Variants in PLXDC2 observed in about 807,000 individuals in gnomAD.
PLXDC2 encodes the protein plexin domain containing 2.
PLXDC2 carries 40 observed loss-of-function variants against 68.9 expected under a neutral mutation model. That is an observed-to-expected ratio of 0.58 (90% confidence interval 0.45 to 0.76). PLXDC2 has a LOEUF of 0.76. PLXDC2 is among the 30% of genes least tolerant of loss of function. PLXDC2 has a pLI of 0.00. For synonymous variants in PLXDC2, 243 were observed against 234.2 expected (o/e 1.04, Z -0.34); for missense variants, 644 against 661.9 (o/e 0.97, Z 0.30).
chr10:20,113,067 C>G (rs371388937), intron 4 of PLXDC2, among the ~76,000 whole-genome samples: 13 of 152,322 alleles, frequency 8.5e-5, no homozygotes, highest in African/African-American at 2.6e-4. Flanking sequence ...TCCCTCCCAT[C>G]TGTAGGCTTT....
rs11011640 is a variant in PLXDC2 at position 19,832,727 on chromosome 10, A to G, written c.112+15536A>G. Among the ~76,000 whole-genome samples, 304 of 152,346 alleles carry G rather than the reference A, an allele frequency of 2.0e-3. 1 individual carries two copies. The highest frequency in any genetic ancestry group is 3.1e-3 in the South Asian group (15 of 4,826). On this transcript the variant is annotated intron_variant, in intron 1 of 13. Transcript: ENST00000377252. ...AAGAGGCTATGTGCATGTGTATAACATGGATACAGTGCGAGGGACAAACCA... is the reference window on the plus strand; with the variant it reads ...AAGAGGCTATGTGCATGTGTATAACGTGGATACAGTGCGAGGGACAAACCA...
At chr10:19,938,113 A>G (rs1833759919) in intron 1 of PLXDC2, among the ~76,000 whole-genome samples, 1 of 152,124 alleles carries the variant, frequency 6.6e-6, no homozygotes, top group African/African-American at 2.4e-5. Context: ...ACAAGATTGT[A>G]TACATTACAT....
At chr10:20,191,797 A>G (rs972177409) in intron 9 of PLXDC2, among the ~76,000 whole-genome samples, 2 of 152,124 alleles carry the variant, frequency 1.3e-5, no homozygotes, top group African/African-American at 4.8e-5. Context: ...CCTAAAACTT[A>G]AAGTATAATA....
chr10:20,091,251 C>A (rs1239218565), intron 4 of PLXDC2, among the ~76,000 whole-genome samples: 6 of 152,158 alleles, frequency 3.9e-5, no homozygotes, highest in African/African-American at 1.2e-4. Context: ...CACCAGCATA[C>A]CTTTCCCCCT....
At chr10:19,844,078 A>G (rs112986287) in intron 1 of PLXDC2, among the ~76,000 whole-genome samples, 3,926 of 152,314 alleles carry the variant, frequency 0.026, 55 homozygotes, top group African/African-American at 0.046. Context: ...ATAAATAAAA[A>G]TGGAAAAAAA....
At chr10:19,949,681 A>G (rs1453901187) in intron 1 of PLXDC2, among the ~76,000 whole-genome samples, 1 of 152,222 alleles carries the variant, frequency 6.6e-6, no homozygotes, top group Admixed American at 6.5e-5. Flanking sequence ...TCTTGATATT[A>G]GAGACTTCTG....
chr10:20,177,419 T>G lies in PLXDC2; in HGVS notation c.1061+10T>G. The G allele has an allele frequency of 7.4e-7, 1 of 1,347,990 alleles. No homozygotes were observed. The highest frequency in any genetic ancestry group is 1.0e-6 in the Non-Finnish European group (1 of 989,908). The allele number at this position is 1,347,990 out of a possible 1,614,324, so 83.5% of individuals were successfully genotyped here. ...GTAGTAAACTTCAAAGGTAAAAATA[T>G]AATAATAAGAATAATAATAAAATTT... On this transcript the variant is annotated intron_variant, in intron 9 of 13. Coordinates refer to ENST00000377252, the MANE Select transcript of PLXDC2 (RefSeq NM_032812.9).
chr10:20,111,092 T>C (rs1833554798), intron 4 of PLXDC2, among the ~76,000 whole-genome samples: 1 of 152,182 alleles, frequency 6.6e-6, no homozygotes, highest in Admixed American at 6.5e-5. Context: ...TGGAGAACCA[T>C]GGTGGGCTGC....
At chr10:19,945,845 C>T (rs1833892421) in intron 1 of PLXDC2, among the ~76,000 whole-genome samples, 1 of 152,160 alleles carries the variant, frequency 6.6e-6, no homozygotes, top group Non-Finnish European at 1.5e-5. Context: ...TCACTCCAAT[C>T]AGATATGAAG....
intron 4 of PLXDC2, among the ~76,000 whole-genome samples, chr10:20,109,223 T>C (rs1452620161): frequency 6.6e-6 from 1 of 152,228 alleles, no homozygotes; most frequent in Admixed American, 6.5e-5. Context: ...AGATGAGTTT[T>C]CACCCTCTTG....
At chr10:20,026,291 A>G (rs1318100734) in intron 2 of PLXDC2, among the ~76,000 whole-genome samples, 1 of 152,000 alleles carries the variant, frequency 6.6e-6, no homozygotes, top group African/African-American at 2.4e-5. Flanking sequence ...AAATGTTTTT[A>G]ATGTCCTAAT....
At chr10:19,993,303 A>C (rs1219684269) in intron 1 of PLXDC2, among the ~76,000 whole-genome samples, 1 of 138,550 alleles carries the variant, frequency 7.2e-6, no homozygotes, top group Admixed American at 7.2e-5. Flanking sequence ...TTTCCATAGG[A>C]TAGTATATCA....
rs144837747 is a variant in PLXDC2 at position 20,123,468 on chromosome 10, T to C, written c.542-19827T>C. Among the ~76,000 whole-genome samples, 535 of 152,248 alleles carry C rather than the reference T, an allele frequency of 3.5e-3. 2 individuals are homozygous for C. Among genetic ancestry groups the C allele is most frequent in the African/African-American group, 0.012 (507 of 41,566 alleles). On this transcript the variant is annotated intron_variant, in intron 4 of 13. Transcript: ENST00000377252. ...TCTTGTAAGATGGAAAAATCGAAAG[T>C]GCCGTTTTCTGGCTATTTGGAACTA...
In PLXDC2 at chr10:20,249,074, C is replaced by T. The variant is rs577787570; in HGVS notation, c.1473+3569C>T. ...CATAATTTGATGTTTGCCCATTTAA[C>T]ACAGTGGTGATTTCACTGTAATACA... On this transcript the variant is annotated intron_variant, in intron 13 of 13. Coordinates refer to ENST00000377252, the MANE Select transcript of PLXDC2 (RefSeq NM_032812.9). Among the ~76,000 whole-genome samples, 3 of 152,288 alleles carry T rather than the reference C, an allele frequency of 2.0e-5. No individual in the cohort carries two copies. In the East Asian group the frequency reaches 5.8e-4, roughly 29 times the overall value.
intron 10 of PLXDC2, among the ~76,000 whole-genome samples, chr10:20,213,899 A>G (rs923170222): frequency 6.6e-6 from 1 of 151,930 alleles, no homozygotes; most frequent in African/African-American, 2.4e-5. Context: ...TGCCATTTTC[A>G]TCTTTTCCTC....
chr10:20,001,694 T>C, intron 1 of PLXDC2, 81 bp from the exon 2 acceptor site: 1 of 1,317,158 alleles, frequency 7.6e-7, no homozygotes, highest in Non-Finnish European at 1.1e-6. Flanking sequence ...CACAGAATTC[T>C]TTTTTCTTCT....
chr10:20,282,036 T>C lies in PLXDC2; in HGVS notation c.*2217T>C, dbSNP rs1014695794. ...AGCGTTCTATTTTGATTCAAAACAA[T>C]TGATTCAAAACAATTTTGAATCAAT... On this transcript the variant is annotated 3_prime_UTR_variant, in exon 14 of 14. Coordinates refer to ENST00000377252, the MANE Select transcript of PLXDC2 (RefSeq NM_032812.9). 3 of 152,108 alleles carry C rather than the reference T, an allele frequency of 2.0e-5. No individual in the cohort carries two copies. The highest frequency in any genetic ancestry group is 4.4e-5 in the Non-Finnish European group (3 of 67,990). The allele number at this position is 152,108 out of a possible 1,614,324, so 9.4% of individuals were successfully genotyped here.
chr10:19,994,654 T>C (rs1418438380), intron 1 of PLXDC2, among the ~76,000 whole-genome samples: 1 of 151,548 alleles, frequency 6.6e-6, no homozygotes, highest in East Asian at 2.0e-4. Flanking sequence ...CAGTTTAAAA[T>C]CTTAATAAGT....
chr10:20,245,761 A>C (rs567977759), intron 13 of PLXDC2, among the ~76,000 whole-genome samples: 2 of 152,318 alleles, frequency 1.3e-5, no homozygotes, highest in African/African-American at 4.8e-5. Flanking sequence ...GATCTAAAAG[A>C]AAATGGGAAC....
Sources: allele counts gnomAD v4.1 joint callset (sites outside exome capture counted in the v4.1 genomes callset), GRCh38; gene constraint gnomAD v4.1.1; transcripts MANE v1.5; gene names NCBI Gene and HGNC (gene_info 2026-07-23, HGNC 2026-07-21).